Variants in TFCP2L1 observed in about 807,000 individuals in gnomAD.
TFCP2L1 encodes the protein transcription factor CP2 like 1, also known as transcription factor CP2-like protein 1.
In TFCP2L1, 12 loss-of-function variants were observed where a neutral mutation model predicts 72.2. The ratio of observed to expected loss-of-function variants is 0.17; its 90% CI spans 0.11 to 0.27. TFCP2L1 has a LOEUF of 0.27. Among genes scored for constraint, TFCP2L1 ranks in the 10% least tolerant of loss-of-function variants. The probability of loss-of-function intolerance (pLI) is 1.00; values close to 1 mark genes in which losing one functional copy is unlikely to be tolerated. For missense variants in TFCP2L1, 488 were observed against 624.6 expected (o/e 0.78, Z 2.33); for synonymous variants, 260 against 251.0 (o/e 1.04, Z -0.34).
At chr2:121,243,141 G>A (rs1462336459) in intron 6 of TFCP2L1, among the ~76,000 whole-genome samples, 3 of 152,212 alleles carry the variant, frequency 2.0e-5, no homozygotes, top group South Asian at 2.1e-4. Context: ...ACCATGGGGC[G>A]CCTTCTCGAC....
intron 5 of TFCP2L1, among the ~76,000 whole-genome samples, chr2:121,247,843 A>T (rs1686520318): frequency 1.3e-5 from 2 of 152,246 alleles, no homozygotes; most frequent in South Asian, 4.1e-4. Flanking sequence ...TAATTCATTC[A>T]ACAATAGAAA....
intron 2 of TFCP2L1, among the ~76,000 whole-genome samples, chr2:121,269,347 C>T (rs1194667159): frequency 6.6e-6 from 1 of 151,952 alleles, no homozygotes; most frequent in African/African-American, 2.4e-5. Flanking sequence ...ACTAGGGAGG[C>T]TAAGGCAGGA....
chr2:121,281,331 C>T, intron 1 of TFCP2L1, 60 bp from the exon 2 acceptor site: 1 of 1,519,208 alleles, frequency 6.6e-7, no homozygotes, highest in Non-Finnish European at 8.8e-7. Flanking sequence ...TGCACAGAGC[C>T]AGGGCGAAGC....
chr2:121,227,597 C>T (rs930288452), intron 13 of TFCP2L1, among the ~76,000 whole-genome samples: 7 of 152,026 alleles, frequency 4.6e-5, no homozygotes, highest in Non-Finnish European at 1.0e-4. Context: ...AGGAGAATCG[C>T]TTGAATGCAG....
intron 2 of TFCP2L1, among the ~76,000 whole-genome samples, chr2:121,272,955 A>T (rs763679005): frequency 8.6e-5 from 13 of 151,956 alleles, no homozygotes; most frequent in Non-Finnish European, 1.9e-4. Context: ...TATCACTCAT[A>T]TTTCCCCTTG....
chr2:121,239,756 C>T, intron 7 of TFCP2L1, 107 bp from the exon 8 acceptor site: 1 of 1,097,600 alleles, frequency 9.1e-7, no homozygotes. Context: ...GAGACCCCCA[C>T]CTGTGAAACG....
chr2:121,239,731 C>T, intron 7 of TFCP2L1, 82 bp from the exon 8 acceptor site: 19 of 1,317,666 alleles, frequency 1.4e-5, no homozygotes, highest in Non-Finnish European at 2.0e-5. Flanking sequence ...CAGGCATGCA[C>T]TGACACCAAT....
At chr2:121,233,221 C>A (rs1386476596) in intron 12 of TFCP2L1, among the ~76,000 whole-genome samples, 3 of 152,082 alleles carry the variant, frequency 2.0e-5, no homozygotes, top group African/African-American at 7.2e-5. Flanking sequence ...GAGACAGAGT[C>A]TCACTTTGTC....
chr2:121,252,338 C>T (rs996209305), intron 2 of TFCP2L1, among the ~76,000 whole-genome samples: 6 of 152,164 alleles, frequency 3.9e-5, no homozygotes, highest in East Asian at 1.9e-4. Flanking sequence ...CGAGCCACCA[C>T]GCCCAGACAA....
At chr2:121,262,785 T>A (rs1433077150) in intron 2 of TFCP2L1, among the ~76,000 whole-genome samples, 1 of 152,168 alleles carries the variant, frequency 6.6e-6, no homozygotes, top group African/African-American at 2.4e-5. Context: ...CACCTTTATG[T>A]CTAAATTTAT....
At chr2:121,267,735 T>C (rs1271853961) in intron 2 of TFCP2L1, among the ~76,000 whole-genome samples, 3 of 152,302 alleles carry the variant, frequency 2.0e-5, no homozygotes, top group Non-Finnish European at 2.9e-5. Context: ...TCTCAAGTGA[T>C]GCGCCTGCCT....
intron 2 of TFCP2L1, among the ~76,000 whole-genome samples, chr2:121,257,129 T>G (rs1473503111): frequency 6.6e-6 from 1 of 152,176 alleles, no homozygotes; most frequent in Non-Finnish European, 1.5e-5. Flanking sequence ...CAGATTACTT[T>G]GTGATGAAAA....
At chr2:121,250,082 C>A (rs376398741) in intron 2 of TFCP2L1, among the ~76,000 whole-genome samples, 1 of 152,116 alleles carries the variant, frequency 6.6e-6, no homozygotes, top group Admixed American at 6.5e-5. Flanking sequence ...AACGAAGAAG[C>A]CTGTTAAACA....
At chr2:121,253,861 T>C (rs1049076142) in intron 2 of TFCP2L1, among the ~76,000 whole-genome samples, 1 of 152,108 alleles carries the variant, frequency 6.6e-6, no homozygotes, top group African/African-American at 2.4e-5. Context: ...CAGATGGACA[T>C]CCAGCCACCC....
intron 8 of TFCP2L1, 87 bp downstream of exon 8, chr2:121,239,471 G>C: frequency 6.9e-7 from 1 of 1,440,434 alleles, no homozygotes. Context: ...AAACAGAAAG[G>C]AGAGGAGACC....
In TFCP2L1 at chr2:121,218,252, GTACA is replaced by G. The variant is rs1685868695; in HGVS notation, c.*6085_*6088del. On this transcript the variant is annotated 3_prime_UTR_variant, in exon 15 of 15. Transcript: ENST00000263707. ...ATAAAATCCAAAATACAATAATTGA[GTACA>G]TATTTTTGGTAAATACATGTCTACT... is the stretch of plus-strand genomic sequence containing the variant. 6.6e-6 allele frequency: 1 copy of G among 152,070 alleles called. No homozygotes were observed. The highest frequency in any genetic ancestry group is 2.4e-5 in the African/African-American group (1 of 41,396). The allele number at this position is 152,070 out of a possible 1,614,324, so 9.4% of individuals were successfully genotyped here. A position where few individuals can be genotyped will look rare whatever the true frequency, so the allele number is the denominator to read the frequency against.
chr2:121,276,744 G>T (rs1406115348), intron 2 of TFCP2L1, among the ~76,000 whole-genome samples: 1 of 151,930 alleles, frequency 6.6e-6, no homozygotes, highest in African/African-American at 2.4e-5. Flanking sequence ...AACAAACTCA[G>T]ATCTTCATAT....
At chr2:121,283,124 G>C (rs1687297806) in intron 1 of TFCP2L1, among the ~76,000 whole-genome samples, 1 of 152,156 alleles carries the variant, frequency 6.6e-6, no homozygotes, top group Admixed American at 6.5e-5. Flanking sequence ...TTTTTAAACA[G>C]GGGCGGGTGG....
intron 6 of TFCP2L1, among the ~76,000 whole-genome samples, chr2:121,245,308 C>T (rs1431952079): frequency 6.6e-6 from 1 of 152,198 alleles, no homozygotes; most frequent in Non-Finnish European, 1.5e-5. Context: ...GGGAAAGGAA[C>T]ACAGGCCCGC....
Sources: allele counts gnomAD v4.1 joint callset (sites outside exome capture counted in the v4.1 genomes callset), GRCh38; gene constraint gnomAD v4.1.1; transcripts MANE v1.5; gene names NCBI Gene and HGNC (gene_info 2026-07-23, HGNC 2026-07-21).